Variants in RNF216 observed in about 807,000 individuals in gnomAD.
RNF216 encodes the protein ring finger protein 216.
Under a neutral mutation model 110.8 loss-of-function variants are expected in RNF216, and 72 were observed. That is an observed-to-expected ratio of 0.65 (90% CI 0.54 to 0.79). RNF216 has a LOEUF of 0.79. Among genes scored for constraint, RNF216 ranks in the 30% least tolerant of loss-of-function variants. The pLI, the probability that RNF216 is intolerant of heterozygous loss-of-function variation, is 0.00. For missense variants in RNF216, 1,342 were observed against 1,141.2 expected, an observed-to-expected ratio of 1.18 and a Z score of -2.54; for synonymous variants, 495 against 407.5, an observed-to-expected ratio of 1.21 and a Z score of -2.59.
intron 13 of RNF216, among the ~76,000 whole-genome samples, chr7:5,669,348 T>C (rs920035531): frequency 6.6e-6 from 1 of 152,154 alleles, no homozygotes; most frequent in Non-Finnish European, 1.5e-5. Flanking sequence ...AAGACCAATC[T>C]TTGCCACTGG....
intron 13 of RNF216, among the ~76,000 whole-genome samples, chr7:5,669,668 G>A (rs752322571): frequency 2.2e-4 from 33 of 152,128 alleles, no homozygotes; most frequent in African/African-American, 6.3e-4. Flanking sequence ...CAAGGTGGGC[G>A]GATCACTTGA....
intron 1 of RNF216, among the ~76,000 whole-genome samples, chr7:5,766,477 G>A (rs1479417243): frequency 6.6e-6 from 1 of 151,762 alleles, no homozygotes; most frequent in Non-Finnish European, 1.5e-5. Flanking sequence ...GGGCCCTCAT[G>A]ATGGCTGGGC....
rs1183624525 is a variant in RNF216, at chr7:5,665,847, C to T, written c.2062-13337G>A. ...TATATCAGCAACGCCTAGGCAATGG[C>T]ATCATGTGGACATTTATATAAAAAT... On this transcript the variant is annotated intron_variant, in intron 13 of 16. Transcript: ENST00000389902. 2.0e-5 allele frequency among the ~76,000 whole-genome samples: 3 copies of T among 152,000 alleles called. No individual in the cohort carries two copies. In the South Asian group the frequency reaches 6.2e-4, roughly 32 times the overall value.
At chr7:5,721,223 A>G in intron 8 of RNF216, 51 bp from the exon 9 acceptor site, 1 of 1,559,374 alleles carries the variant, frequency 6.4e-7, no homozygotes, top group Admixed American at 1.7e-5. Context: ...TGTGTTAGGA[A>G]CCTGGGCCAG....
At chr7:5,634,999 G>C (rs1235405891) in intron 15 of RNF216, among the ~76,000 whole-genome samples, 1 of 152,318 alleles carries the variant, frequency 6.6e-6, no homozygotes, top group African/African-American at 2.4e-5. Context: ...GGGGCTCAGG[G>C]ACCCTATGGG....
At chr7:5,658,964 T>G (rs548911357) in intron 13 of RNF216, among the ~76,000 whole-genome samples, 9 of 152,246 alleles carry the variant, frequency 5.9e-5, no homozygotes, top group African/African-American at 2.2e-4. Flanking sequence ...TTCCATTAAT[T>G]AGTGAGCTTG....
At chr7:5,650,103 T>A (rs566997848) in intron 14 of RNF216, 28 of 152,194 alleles carry the variant, frequency 1.8e-4, no homozygotes, top group Non-Finnish European at 3.5e-4. Context: ...GTCATCTCTA[T>A]GAAGTTCTGG....
intron 1 of RNF216, chr7:5,766,867 G>T (rs911214098): frequency 6.6e-6 from 1 of 152,214 alleles, no homozygotes; most frequent in South Asian, 2.1e-4. Context: ...TAAAGGGTGC[G>T]TGTGTATGTT....
At chr7:5,754,577 G>A (rs1795516794) in intron 2 of RNF216, among the ~76,000 whole-genome samples, 1 of 152,130 alleles carries the variant, frequency 6.6e-6, no homozygotes, top group African/African-American at 2.4e-5. Context: ...AAAAGCTCTA[G>A]CCATTGGTAC....
At chr7:5,638,614 G>C (rs1033427291) in intron 15 of RNF216, among the ~76,000 whole-genome samples, 4 of 150,620 alleles carry the variant, frequency 2.7e-5, no homozygotes, top group African/African-American at 9.8e-5. Context: ...ACAGATTGTG[G>C]CCAGGTAGAA....
chr7:5,647,328 C>CTTTTTTTTTTTTTT (rs10617479), intron 14 of RNF216, among the ~76,000 whole-genome samples: 40 of 94,774 alleles, frequency 4.2e-4, no homozygotes, highest in Non-Finnish European at 6.4e-4. Flanking sequence ...TTCTTTCTTT[C>CTTTTTTTTTTTTTT]TTTTTTTTTT....
intron 1 of RNF216, among the ~76,000 whole-genome samples, chr7:5,777,953 T>C (rs1480326866): frequency 1.3e-5 from 2 of 152,198 alleles, no homozygotes; most frequent in African/African-American, 4.8e-5. Context: ...TCCTCATGTG[T>C]GGAGGGTAAA....
chr7:5,697,386 C>G (rs1791695998), intron 13 of RNF216, among the ~76,000 whole-genome samples: 1 of 152,226 alleles, frequency 6.6e-6, no homozygotes, highest in African/African-American at 2.4e-5. Flanking sequence ...AACGACCAGA[C>G]TTCAACCAAA....
intron 13 of RNF216, among the ~76,000 whole-genome samples, chr7:5,661,862 T>G (rs1290590604): frequency 1.3e-5 from 2 of 152,186 alleles, no homozygotes; most frequent in Non-Finnish European, 2.9e-5. Context: ...CCAATTAATT[T>G]GGTCGAGGTC....
At chr7:5,644,049 T>C (rs1467762599) in intron 14 of RNF216, among the ~76,000 whole-genome samples, 2 of 152,224 alleles carry the variant, frequency 1.3e-5, no homozygotes, top group Admixed American at 6.5e-5. Flanking sequence ...TTGGATAATA[T>C]TCCATTGTAT....
chr7:5,699,759 T>G (rs852258), intron 13 of RNF216, among the ~76,000 whole-genome samples: 124,693 of 152,266 alleles, frequency 0.82, 52,988 homozygotes, highest in Non-Finnish European at 0.92. Context: ...GGTGGTTGAT[T>G]CCACTTGCAG....
At chr7:5,625,789 G>C (rs750666291) in intron 15 of RNF216, among the ~76,000 whole-genome samples, 6 of 152,192 alleles carry the variant, frequency 3.9e-5, no homozygotes, top group African/African-American at 1.4e-4. Context: ...CCCTTGGTTT[G>C]GTAGATGAAA....
At position 5,724,915 on chromosome 7, in the gene RNF216, C is replaced by T. The variant is rs554812610; in HGVS notation, c.1504+409G>A. 5.3e-5 allele frequency among the ~76,000 whole-genome samples: 8 copies of T among 152,282 alleles called. No homozygotes were observed. The East Asian group carries it at 7.7e-4, about 15-fold the overall frequency. ...ATGACAGAATTTTGGAGAAACGTGG[C>T]TATTAGCCATTCTCTCAGTTGCATA... On this transcript the variant is annotated intron_variant, in intron 8 of 16. Coordinates refer to ENST00000389902, the MANE Select transcript of RNF216 (RefSeq NM_207111.4).
intron 13 of RNF216, among the ~76,000 whole-genome samples, chr7:5,694,204 G>GGCCTACTC (rs1161013103): frequency 2.6e-5 from 4 of 152,140 alleles, no homozygotes; most frequent in Non-Finnish European, 4.4e-5. Flanking sequence ...ATTTTAGGAC[G>GGCCTACTC]GCCTACTCAA....
Sources: allele counts gnomAD v4.1 joint callset (sites outside exome capture counted in the v4.1 genomes callset), GRCh38; gene constraint gnomAD v4.1.1; transcripts MANE v1.5; gene names NCBI Gene and HGNC (gene_info 2026-07-23, HGNC 2026-07-21).